Variants in TRABD2A observed in about 807,000 individuals in gnomAD.
TRABD2A encodes the protein TraB domain containing 2A.
TRABD2A carries 43 observed loss-of-function variants against 45.6 expected under a neutral mutation model. That is an observed-to-expected ratio of 0.94 (90% CI 0.74 to 1.22). TRABD2A has a LOEUF of 1.22. TRABD2A is among the 50% of genes most tolerant of loss of function. The pLI, the probability that TRABD2A is intolerant of heterozygous loss-of-function variation, is 0.00. For synonymous variants in TRABD2A, 269 were observed against 265.0 expected (o/e 1.02, Z -0.15); for missense variants, 642 against 652.4 (o/e 0.98, Z 0.17).
chr2:84,880,932 T>C lies in TRABD2A; in HGVS notation c.108A>G (p.Gln36=), dbSNP rs748338540. 5.7e-6 allele frequency: 9 copies of C among 1,591,950 alleles called. No individual in the cohort carries two copies. The highest frequency in any genetic ancestry group is 7.7e-6 in the Non-Finnish European group (9 of 1,169,896). The change falls in exon 1 of 7, where the codon CAA becomes CAG. Residue 36 remains glutamine (Q), a splice_region_variant and synonymous_variant. Coordinates refer to ENST00000409520, the MANE Select transcript of TRABD2A (RefSeq NM_001277053.2). ...PGTANCELKP[Q]QSELNSFLWT... Reference sequence around the variant, plus strand: ...CTCCAGCACCCGACGCGCGCCTTACTTGGGGCTTGAGCTCGCAGTTGGCGG... The same window carrying C: ...CTCCAGCACCCGACGCGCGCCTTACCTGGGGCTTGAGCTCGCAGTTGGCGG...
chr2:84,843,665 C>T (rs549728123), intron 2 of TRABD2A: 1 of 152,394 alleles, frequency 6.6e-6, no homozygotes, highest in East Asian at 1.9e-4. Context: ...GACAGAAGGG[C>T]AAGCTAACTG....
Position 84,824,130 on chromosome 2 carries a change from A to C in TRABD2A, c.1157T>G (p.Val386Gly), listed in dbSNP as rs1179520212. 6.2e-7 allele frequency: 1 copy of C among 1,613,956 alleles called. No individual in the cohort carries two copies. The highest frequency in any genetic ancestry group is 8.5e-7 in the Non-Finnish European group (1 of 1,179,868). ...IFAPKVPTLEVPAPEAVSSGH... is the reference protein window; with the variant it reads ...IFAPKVPTLEGPAPEAVSSGH... ...TGAGGATACGGCTTCTGGTGCCGGT[A>C]CTTCCAGGGTAGGGACTTTTGGAGC... Residue 386 changes from valine (V) to glycine (G), a missense_variant, in exon 6 of 7, where the codon GTA becomes GGA. By Grantham distance (109) the Val-to-Gly change is moderately radical. Coordinates refer to ENST00000409520, the MANE Select transcript of TRABD2A (RefSeq NM_001277053.2).
rs907694482 is a variant in TRABD2A at position 84,850,964 on chromosome 2, T to G, written c.670-8957A>C. On this transcript the variant is annotated intron_variant, in intron 2 of 6. Coordinates refer to ENST00000409520, the MANE Select transcript of TRABD2A (RefSeq NM_001277053.2). ...AAGAAGCCAGAGACCTCCAAGACCTTAGCACTAACCAGGCTGCTTCCCTAG... is the reference window on the plus strand; with the variant it reads ...AAGAAGCCAGAGACCTCCAAGACCTGAGCACTAACCAGGCTGCTTCCCTAG... The G allele has an allele frequency of 2.0e-5, 3 of 152,406 alleles. No individual in the cohort carries two copies. In the South Asian group the frequency reaches 6.2e-4, roughly 32 times the overall value. The allele number at this position is 152,406 out of a possible 1,614,324, so 9.4% of individuals were successfully genotyped here.
chr2:84,868,857 A>T (rs1307636382), intron 2 of TRABD2A, among the ~76,000 whole-genome samples: 1 of 152,196 alleles, frequency 6.6e-6, no homozygotes, highest in East Asian at 1.9e-4. Context: ...CTTCAAATCA[A>T]AGCACCTTTC....
At chr2:84,868,860 C>T (rs999817210) in intron 2 of TRABD2A, among the ~76,000 whole-genome samples, 1 of 152,176 alleles carries the variant, frequency 6.6e-6, no homozygotes, top group African/African-American at 2.4e-5. Flanking sequence ...CAAATCAAAG[C>T]ACCTTTCTTT....
intron 1 of TRABD2A, among the ~76,000 whole-genome samples, chr2:84,873,623 C>T (rs1682938356): frequency 6.6e-6 from 1 of 152,200 alleles, no homozygotes; most frequent in South Asian, 2.1e-4. Flanking sequence ...AAATGTCTCA[C>T]TGTTGGTTAG....
At chr2:84,845,605 C>T (rs879388682) in intron 2 of TRABD2A, among the ~76,000 whole-genome samples, 4 of 152,058 alleles carry the variant, frequency 2.6e-5, no homozygotes, top group Non-Finnish European at 5.9e-5. Context: ...CAACTGTGAT[C>T]CTGAGTTACT....
chr2:84,855,819 G>A (rs148931280), intron 2 of TRABD2A, among the ~76,000 whole-genome samples: 496 of 152,150 alleles, frequency 3.3e-3, no homozygotes, highest in Non-Finnish European at 5.8e-3. Context: ...GCATTGTTGC[G>A]TTAGCCCAGG....
At chr2:84,861,522 T>C (rs546401976) in intron 2 of TRABD2A, among the ~76,000 whole-genome samples, 2 of 152,276 alleles carry the variant, frequency 1.3e-5, no homozygotes, top group East Asian at 3.9e-4. Flanking sequence ...CAGGCAGTAA[T>C]GCGAGTGATA....
intron 2 of TRABD2A, among the ~76,000 whole-genome samples, chr2:84,855,232 G>C (rs572398040): frequency 6.6e-6 from 1 of 152,004 alleles, no homozygotes; most frequent in Non-Finnish European, 1.5e-5. Context: ...ATTTGCATTC[G>C]TGTAGATTTC....
Position 84,830,552 on chromosome 2 carries a change from G to T in TRABD2A, c.1082+1503C>A, listed in dbSNP as rs998278175. On this transcript the variant is annotated intron_variant, in intron 5 of 6. Transcript: ENST00000409520. The surrounding 1 kb of genome is among the most constrained non-coding windows in gnomAD (Gnocchi z 4.9). ...GAGGGAGAAGGGCCTGGAAGGGGGC[G>T]GTGGCCATGGAAATGGAGAAGGACA... 6.6e-6 allele frequency among the ~76,000 whole-genome samples: 1 copy of T among 152,222 alleles called. No homozygotes were observed. The highest frequency in any genetic ancestry group is 2.4e-5 in the African/African-American group (1 of 41,442).
chr2:84,867,839 C>T (rs938402521), intron 2 of TRABD2A, among the ~76,000 whole-genome samples: 6 of 152,204 alleles, frequency 3.9e-5, no homozygotes, highest in Non-Finnish European at 5.9e-5. Flanking sequence ...AACAAATGCT[C>T]ATCATCACTG....
chr2:84,866,263 A>C lies in TRABD2A; in HGVS notation c.669+3962T>G, dbSNP rs550794022. ...AAAGGGGGCGGCCAGTGCTCAGTCC[A>C]GCCAACTGCTGCTATGTGGGAGCAT... On this transcript the variant is annotated intron_variant, in intron 2 of 6. Transcript: ENST00000409520. 2.0e-5 allele frequency among the ~76,000 whole-genome samples: 3 copies of C among 152,380 alleles called. No individual in the cohort carries two copies. In the East Asian group the frequency reaches 5.8e-4, roughly 29 times the overall value.
chr2:84,846,449 A>G lies in TRABD2A; in HGVS notation c.670-4442T>C, dbSNP rs1369066840. On this transcript the variant is annotated intron_variant, in intron 2 of 6. Transcript: ENST00000409520. ...CCGTTGACCTAAAAGATCAAGAGAT[A>G]CAGTGCCTCGAGAGACCAGCTAAGT... Among the ~76,000 whole-genome samples the G allele has an allele frequency of 2.6e-5, 4 of 152,212 alleles. No homozygotes were observed. In the East Asian group the frequency reaches 5.8e-4, roughly 22 times the overall value.
intron 2 of TRABD2A, among the ~76,000 whole-genome samples, chr2:84,864,793 A>G (rs775876195): frequency 6.6e-6 from 1 of 152,154 alleles, no homozygotes; most frequent in Non-Finnish European, 1.5e-5. Flanking sequence ...AAGGCACCAC[A>G]TGGTATCCCC....
intron 3 of TRABD2A, among the ~76,000 whole-genome samples, chr2:84,841,075 A>G (rs889673323): frequency 6.6e-6 from 1 of 152,170 alleles, no homozygotes; most frequent in Non-Finnish European, 1.5e-5. Flanking sequence ...GTCTTCATGC[A>G]TGTGGACACC....
chr2:84,851,974 C>T (rs79411240), intron 2 of TRABD2A, among the ~76,000 whole-genome samples: 2,250 of 152,324 alleles, frequency 0.015, 29 homozygotes, highest in Non-Finnish European at 0.02. Context: ...GACCTCTCTG[C>T]CTTGCTTGAT....
At chr2:84,870,914 C>T (rs998873692) in intron 1 of TRABD2A, 129 bp from the exon 2 acceptor site, 15 of 935,308 alleles carry the variant, frequency 1.6e-5, no homozygotes, top group Admixed American at 1.1e-4. Flanking sequence ...CTTTTGAGTC[C>T]GTGTAGATTC....
chr2:84,865,876 C>T (rs375954201), intron 2 of TRABD2A, among the ~76,000 whole-genome samples: 2 of 152,244 alleles, frequency 1.3e-5, no homozygotes, highest in Non-Finnish European at 2.9e-5. Flanking sequence ...GAGCCCACTC[C>T]GCTGAGCCTC....
Sources: gnomAD v4.1 joint callset for allele counts (sites outside exome capture counted in the v4.1 genomes callset) on GRCh38, gnomAD v4.1.1 for gene constraint, Gnocchi (gnomAD v3.1) non-coding constraint, MANE v1.5 for transcripts, NCBI Gene and HGNC (gene_info 2026-07-23, HGNC 2026-07-21) for gene names.